OTUD7A: variants seen among roughly 807,000 people sequenced by gnomAD.
The protein encoded by OTUD7A is OTU domain-containing protein 7A.
In OTUD7A, 12 loss-of-function variants were observed where a neutral mutation model predicts 65.7. The ratio of observed to expected loss-of-function variants is 0.18; its 90% CI spans 0.12 to 0.30. OTUD7A has a LOEUF of 0.30. OTUD7A is among the 10% of genes least tolerant of loss of function. OTUD7A has a pLI of 1.00. For missense variants in OTUD7A, 1,148 were observed against 1,304.8 expected, an observed-to-expected ratio of 0.88 and a Z score of 1.85; for synonymous variants, 641 against 586.3, an observed-to-expected ratio of 1.09 and a Z score of -1.35.
At chr15:31,748,468 T>C (rs1205600354) in intron 1 of OTUD7A, among the ~76,000 whole-genome samples, 1 of 151,504 alleles carries the variant, frequency 6.6e-6, no homozygotes, top group Non-Finnish European at 1.5e-5. Flanking sequence ...ATATAAAATA[T>C]ATATAGATAG....
chr15:31,664,326 C>T (rs1267040491), intron 1 of OTUD7A, among the ~76,000 whole-genome samples: 2 of 128,456 alleles, frequency 1.6e-5, no homozygotes, highest in Non-Finnish European at 3.1e-5. Flanking sequence ...CCAACATCTA[C>T]TGTTTGTTGA....
intron 1 of OTUD7A, among the ~76,000 whole-genome samples, chr15:31,688,108 C>T (rs184337118): frequency 6.6e-6 from 1 of 151,432 alleles, no homozygotes; most frequent in Admixed American, 6.6e-5. Flanking sequence ...CCCAGCTACT[C>T]GGGAGGCTGA....
chr15:31,646,541 A>G (rs1365084474), intron 3 of OTUD7A, among the ~76,000 whole-genome samples: 3 of 150,332 alleles, frequency 2.0e-5, no homozygotes, highest in Non-Finnish European at 4.4e-5. Context: ...GCTCACTGCA[A>G]CCTCTGCCTC....
At chr15:31,660,908 A>T (rs7169715) in intron 1 of OTUD7A, among the ~76,000 whole-genome samples, 1 of 152,096 alleles carries the variant, frequency 6.6e-6, no homozygotes, top group Non-Finnish European at 1.5e-5. Context: ...GTGCTGGGAC[A>T]CACCACTTGT....
At chr15:31,558,885 C>T (rs1357339915) in intron 5 of OTUD7A, 84 bp downstream of exon 5, 1 of 1,434,036 alleles carries the variant, frequency 7.0e-7, no homozygotes, top group African/African-American at 1.4e-5. Flanking sequence ...AACATGTGCC[C>T]TTCTCTTGCT....
intron 1 of OTUD7A, among the ~76,000 whole-genome samples, chr15:31,839,877 G>A (rs1159693039): frequency 6.6e-6 from 1 of 152,096 alleles, no homozygotes; most frequent in African/African-American, 2.4e-5. Flanking sequence ...TTCCCTGGGA[G>A]ATACTGTGGG....
At chr15:31,860,090 CTCTTT>C (rs1667368456) in intron 1 of OTUD7A, among the ~76,000 whole-genome samples, 1 of 152,062 alleles carries the variant, frequency 6.6e-6, no homozygotes, top group African/African-American at 2.4e-5. Flanking sequence ...CTTCCATTTT[CTCTTT>C]TCTATCACTA....
At chr15:31,783,376 G>A (rs773226634) in intron 1 of OTUD7A, among the ~76,000 whole-genome samples, 1 of 152,170 alleles carries the variant, frequency 6.6e-6, no homozygotes, top group Non-Finnish European at 1.5e-5. Flanking sequence ...ATCATTCAAT[G>A]ATCATTCTAA....
At chr15:31,695,313 T>C (rs1342253690) in intron 1 of OTUD7A, among the ~76,000 whole-genome samples, 1 of 140,066 alleles carries the variant, frequency 7.1e-6, no homozygotes, top group East Asian at 2.0e-4. Flanking sequence ...CTGGATTACA[T>C]GGTAGTTCTA....
chr15:31,722,391 T>C (rs1044228618), intron 1 of OTUD7A, among the ~76,000 whole-genome samples: 2 of 152,210 alleles, frequency 1.3e-5, no homozygotes, highest in Non-Finnish European at 2.9e-5. Flanking sequence ...TTCATGGATC[T>C]CTCAGAAAAT....
intron 3 of OTUD7A, among the ~76,000 whole-genome samples, chr15:31,570,442 TACACACACAC>T (rs57517466): frequency 0.16 from 23,573 of 143,146 alleles, 2,058 homozygotes; most frequent in Middle Eastern, 0.24. Flanking sequence ...TTTAGGTTCA[TACACACACAC>T]ACACACACAC....
intron 3 of OTUD7A, among the ~76,000 whole-genome samples, chr15:31,625,820 T>C (rs1232882242): frequency 1.3e-5 from 2 of 152,166 alleles, no homozygotes; most frequent in Non-Finnish European, 2.9e-5. Context: ...AATGAAACAC[T>C]ACTTAGCACA....
chr15:31,816,785 T>C (rs74348345), intron 1 of OTUD7A, among the ~76,000 whole-genome samples: 3,540 of 152,336 alleles, frequency 0.023, 85 homozygotes, highest in Non-Finnish European at 0.033. Flanking sequence ...AAATTATTAA[T>C]GCCAGAATTT....
intron 1 of OTUD7A, among the ~76,000 whole-genome samples, chr15:31,782,544 C>G (rs1895567824): frequency 6.6e-6 from 1 of 152,196 alleles, no homozygotes; most frequent in Admixed American, 6.5e-5. Flanking sequence ...TGAGCAGGGA[C>G]AGCCACACCC....
intron 1 of OTUD7A, among the ~76,000 whole-genome samples, chr15:31,797,672 T>C (rs901130525): frequency 6.6e-6 from 1 of 152,174 alleles, no homozygotes; most frequent in African/African-American, 2.4e-5. Context: ...CCGCCTTCAC[T>C]CCCAAACTCT....
chr15:31,715,590 G>T (rs1893562792), intron 1 of OTUD7A, among the ~76,000 whole-genome samples: 1 of 147,122 alleles, frequency 6.8e-6, no homozygotes, highest in African/African-American at 2.6e-5. Context: ...TCCATTCATT[G>T]ATCCATCCAG....
intron 5 of OTUD7A, among the ~76,000 whole-genome samples, chr15:31,553,728 G>A (rs1888401336): frequency 2.0e-5 from 3 of 151,810 alleles, no homozygotes; most frequent in South Asian, 4.2e-4. Flanking sequence ...CCTTCAAAAC[G>A]TACCCCATAG....
intron 1 of OTUD7A, among the ~76,000 whole-genome samples, chr15:31,811,851 A>G (rs539856912): frequency 1.3e-5 from 2 of 152,138 alleles, no homozygotes; most frequent in African/African-American, 4.8e-5. Flanking sequence ...GCTTTTTCCT[A>G]TCAGCCTTTC....
Position 31,484,277 on chromosome 15 carries a change from G to C in OTUD7A, c.1819C>G (p.Pro607Ala). Reference protein sequence around the residue: ...SPTDKAAGASPAEKGGGPRGD... With the variant: ...SPTDKAAGASAAEKGGGPRGD... ...CGCGGCCCACCGCCCTTCTCCGCCG[G>C]CGACGCGCCCGCTGCCTTGTCTGTG... The change falls in exon 13 of 13, where the codon CCG (proline) becomes GCG (alanine). Residue 607 changes from proline to alanine, a missense_variant. By Grantham distance (27) the Pro-to-Ala change is conservative. This residue lies in a region of OTUD7A where 842 missense variants were observed against 769.5 expected (regional missense o/e 1.09). Transcript: ENST00000307050. This position sits in a 1 kb window ranked among gnomAD's most constrained non-coding sequence, Gnocchi z 4.5. The C allele has an allele frequency of 6.3e-7, 1 of 1,593,542 alleles. No individual in the cohort carries two copies. The highest frequency in any genetic ancestry group is 8.5e-7 in the Non-Finnish European group (1 of 1,173,890).
Sources: allele counts gnomAD v4.1 joint callset (sites outside exome capture counted in the v4.1 genomes callset), GRCh38; gene constraint gnomAD v4.1.1; regional missense constraint gnomAD v4.1.1; non-coding constraint Gnocchi (gnomAD v3.1); transcripts MANE v1.5; gene names NCBI Gene and HGNC (gene_info 2026-07-23, HGNC 2026-07-21).